Variants in FHIT observed in about 807,000 individuals in gnomAD.
The protein encoded by FHIT is fragile histidine triad diadenosine triphosphatase.
Under a neutral mutation model 17.9 loss-of-function variants are expected in FHIT, and 19 were observed. The ratio of observed to expected loss-of-function variants is 1.06; its 90% CI spans 0.74 to 1.56. The LOEUF is 1.56. FHIT is among the 40% of genes most tolerant of loss of function. FHIT has a pLI of 0.00. For synonymous variants in FHIT, 81 were observed against 69.7 expected (o/e 1.16, Z -0.81); for missense variants, 248 against 189.2 (o/e 1.31, Z -1.82).
intron 3 of FHIT, among the ~76,000 whole-genome samples, chr3:60,966,882 G>C (rs1332284885): frequency 6.6e-6 from 1 of 152,156 alleles, no homozygotes; most frequent in Non-Finnish European, 1.5e-5. Flanking sequence ...TGCAGTATTT[G>C]ATTTGGTCTA....
At chr3:60,984,785 GGTGT>G (rs58578875) in intron 3 of FHIT, among the ~76,000 whole-genome samples, 46,889 of 149,918 alleles carry the variant, frequency 0.31, 7,415 homozygotes, top group Middle Eastern at 0.37. Flanking sequence ...TTCATGAAGG[GGTGT>G]GTGTGTGTGT....
chr3:60,685,973 G>A (rs536950113), intron 4 of FHIT, among the ~76,000 whole-genome samples: 1 of 152,070 alleles, frequency 6.6e-6, no homozygotes, highest in East Asian at 1.9e-4. Context: ...TCATCCCAAA[G>A]AACAAAGCAT....
intron 4 of FHIT, among the ~76,000 whole-genome samples, chr3:60,625,659 T>C (rs1553680685): frequency 6.6e-6 from 1 of 152,220 alleles, no homozygotes; most frequent in Non-Finnish European, 1.5e-5. Context: ...AGATATATGA[T>C]ATGTAAGTAT....
intron 7 of FHIT, among the ~76,000 whole-genome samples, chr3:59,969,019 G>A (rs952625038): frequency 6.6e-6 from 1 of 152,076 alleles, no homozygotes; most frequent in Non-Finnish European, 1.5e-5. Flanking sequence ...CATATTTTGG[G>A]AAATATACAA....
chr3:60,281,357 G>T (rs1319469534), intron 5 of FHIT, among the ~76,000 whole-genome samples: 1 of 152,156 alleles, frequency 6.6e-6, no homozygotes, highest in African/African-American at 2.4e-5. Context: ...TCATAGAGAA[G>T]GGCTCAAGAT....
At chr3:61,040,971 GCCTCCCCTT>G (rs1246717277) in intron 3 of FHIT, among the ~76,000 whole-genome samples, 1 of 152,130 alleles carries the variant, frequency 6.6e-6, no homozygotes, top group African/African-American at 2.4e-5. Flanking sequence ...CATTTTCCCT[GCCTCCCCTT>G]CCTCCCCTAG....
chr3:60,504,995 G>A (rs2034670035), intron 5 of FHIT, among the ~76,000 whole-genome samples: 1 of 152,238 alleles, frequency 6.6e-6, no homozygotes, highest in African/African-American at 2.4e-5. Context: ...AGGTCCCAGG[G>A]GACAAGGGGA....
At chr3:60,332,645 T>C (rs1041143651) in intron 5 of FHIT, among the ~76,000 whole-genome samples, 1 of 152,182 alleles carries the variant, frequency 6.6e-6, no homozygotes, top group African/African-American at 2.4e-5. Context: ...AATGCTATTA[T>C]TCTGTCCCTA....
At chr3:60,501,827 C>T (rs912264670) in intron 5 of FHIT, among the ~76,000 whole-genome samples, 2 of 152,204 alleles carry the variant, frequency 1.3e-5, no homozygotes, top group Admixed American at 1.3e-4. Context: ...TGGAGTTATT[C>T]ATATTACTGT....
chr3:59,909,594 T>C (rs1428630809), intron 8 of FHIT, among the ~76,000 whole-genome samples: 2 of 152,104 alleles, frequency 1.3e-5, no homozygotes, highest in Non-Finnish European at 2.9e-5. Flanking sequence ...TCCCAGGGAG[T>C]ATCTTTATTT....
rs2107821403 is a variant in FHIT, at chr3:60,659,640, T to C, written c.-17-122661A>G. Among the ~76,000 whole-genome samples the C allele has an allele frequency of 1.3e-5, 2 of 152,318 alleles. 1 individual carries two copies. The highest frequency in any genetic ancestry group is 4.1e-4 in the South Asian group (2 of 4,820). Reference sequence around the variant, plus strand: ...TATTTTTACTTTTTCTGAATCTCTGTATTGATGTTGCTAGTTAGTTCATAC... The same window carrying C: ...TATTTTTACTTTTTCTGAATCTCTGCATTGATGTTGCTAGTTAGTTCATAC... On this transcript the variant is annotated intron_variant, in intron 4 of 9. Transcript: ENST00000492590.
chr3:60,703,936 C>T (rs1242776150), intron 4 of FHIT, among the ~76,000 whole-genome samples: 2 of 151,924 alleles, frequency 1.3e-5, no homozygotes, highest in Non-Finnish European at 2.9e-5. Context: ...TGTATATATA[C>T]TTTTCTAAAG....
intron 8 of FHIT, among the ~76,000 whole-genome samples, chr3:59,763,101 A>C (rs542322801): frequency 3.3e-5 from 5 of 152,248 alleles, no homozygotes; most frequent in African/African-American, 9.6e-5. Context: ...TTAATCCTAG[A>C]GTGATGTCAA....
chr3:60,461,025 C>A (rs2032426996), intron 5 of FHIT, among the ~76,000 whole-genome samples: 1 of 152,058 alleles, frequency 6.6e-6, no homozygotes, highest in Non-Finnish European at 1.5e-5. Context: ...TGTAACAACC[C>A]TGGCACAGAA....
chr3:60,029,903 G>GTGTGTT (rs1295997617), intron 5 of FHIT, among the ~76,000 whole-genome samples: 5 of 145,878 alleles, frequency 3.4e-5, no homozygotes, highest in Non-Finnish European at 7.5e-5. Flanking sequence ...GTGTCTGTGT[G>GTGTGTT]TGTGTGTGTG....
chr3:60,651,505 A>C (rs1336227036), intron 4 of FHIT, among the ~76,000 whole-genome samples: 1 of 151,818 alleles, frequency 6.6e-6, no homozygotes, highest in Admixed American at 6.6e-5. Flanking sequence ...CCATTTATTT[A>C]CTGAGAAAAA....
At chr3:60,191,421 C>A (rs1702398579) in intron 5 of FHIT, among the ~76,000 whole-genome samples, 1 of 152,102 alleles carries the variant, frequency 6.6e-6, no homozygotes, top group Non-Finnish European at 1.5e-5. Flanking sequence ...CTCTAACTAG[C>A]AAGATAAAAA....
At chr3:60,862,674 AC>A (rs1703969648) in intron 3 of FHIT, among the ~76,000 whole-genome samples, 1 of 151,618 alleles carries the variant, frequency 6.6e-6, no homozygotes, top group Non-Finnish European at 1.5e-5. Context: ...ATATGGTGAA[AC>A]CCCCTGTCTC....
intron 4 of FHIT, among the ~76,000 whole-genome samples, chr3:60,714,963 G>C (rs1553706285): frequency 6.6e-6 from 1 of 152,164 alleles, no homozygotes; most frequent in East Asian, 1.9e-4. Context: ...CCAAAAAAGA[G>C]CCCGCATCGC....
Sources: gnomAD v4.1 joint callset for allele counts (sites outside exome capture counted in the v4.1 genomes callset) on GRCh38, gnomAD v4.1.1 for gene constraint, MANE v1.5 for transcripts, NCBI Gene and HGNC (gene_info 2026-07-23, HGNC 2026-07-21) for gene names.